The following ZSCAN31 variants were observed in gnomAD, a reference collection of about 807,000 sequenced individuals.
ZSCAN31 encodes zinc finger and SCAN domain containing 31.
Under a neutral mutation model 22.5 loss-of-function variants are expected in ZSCAN31, and 14 were observed. That is an observed-to-expected ratio of 0.62 (90% CI 0.41 to 0.97). ZSCAN31 has a LOEUF of 0.97. ZSCAN31 is among the 50% of genes least tolerant of loss of function. The pLI is 0.00. For missense variants in ZSCAN31, 424 were observed against 483.4 expected, an observed-to-expected ratio of 0.88 and a Z score of 1.15; for synonymous variants, 168 against 169.8, an observed-to-expected ratio of 0.99 and a Z score of 0.08.
rs530163374 is a variant in ZSCAN31, at chr6:28,352,141, G to A, written c.-371+1721C>T. On this transcript the variant is annotated intron_variant, in intron 2 of 7. Transcript: ENST00000396838. ...GGTAAAAATGCCATTTATTTGTTGA[G>A]GAACTTGAACCTTCTGTTTTATAAA... 1.4e-4 allele frequency among the ~76,000 whole-genome samples: 22 copies of A among 152,120 alleles called. No homozygotes were observed. In the East Asian group the frequency reaches 4.1e-3, roughly 28 times the overall value.
chr6:28,343,540 TTC>T (rs375523031), intron 2 of ZSCAN31, among the ~76,000 whole-genome samples: 26 of 138,214 alleles, frequency 1.9e-4, no homozygotes, highest in African/African-American at 6.1e-4. Context: ...TTTTTTTTCT[TTC>T]TTTTTTTTTT....
chr6:28,334,050 G>A (rs912281560), intron 1 of ZSCAN31, among the ~76,000 whole-genome samples: 2 of 152,150 alleles, frequency 1.3e-5, no homozygotes, highest in African/African-American at 2.4e-5. Flanking sequence ...TAGTTTAGAT[G>A]TTACTGTACA....
intron 2 of ZSCAN31, among the ~76,000 whole-genome samples, chr6:28,343,834 C>CACATATT (rs1195431761): frequency 6.6e-6 from 1 of 152,034 alleles, no homozygotes; most frequent in Non-Finnish European, 1.5e-5. Context: ...GGCCTATATG[C>CACATATT]AGTATATTTT....
In ZSCAN31 at chr6:28,325,775, T is replaced by C. The variant is rs1763218547; in HGVS notation, c.*391A>G. On this transcript the variant is annotated 3_prime_UTR_variant, in exon 4 of 4. Transcript: ENST00000344279. The stretch of plus-strand genomic sequence containing the variant: ...TTTTTTTAAAAGTATACATAGATAC[T>C]GGTCTTTTAGAATTGTTCAATATGC... The C allele has an allele frequency of 6.2e-6, 1 of 160,808 alleles. No homozygotes were observed. The highest frequency in any genetic ancestry group is 1.4e-5 in the Non-Finnish European group (1 of 73,050). 10.0% of individuals were successfully genotyped at this position (160,808 alleles called of 1,614,324 possible).
chr6:28,326,635 C>T lies in ZSCAN31; in HGVS notation c.752G>A (p.Ser251Asn). ...CNECGKSFTKSSVLIEHQRIH... is the reference protein window; with the variant it reads ...CNECGKSFTKNSVLIEHQRIH... ...TCTCTGGTGCTCAATGAGTACTGAACTCTTAGTGAAGCTTTTCCCACATTC... is the reference window on the plus strand; with the variant it reads ...TCTCTGGTGCTCAATGAGTACTGAATTCTTAGTGAAGCTTTTCCCACATTC... Residue 251 changes from serine (S) to asparagine (N), a missense_variant, in exon 4 of 4, where the codon AGT (serine) becomes AAT (asparagine). Coordinates refer to ENST00000344279, the MANE Select transcript of ZSCAN31 (RefSeq NM_030899.5). 1 of 1,614,130 alleles carries T rather than the reference C, an allele frequency of 6.2e-7. No homozygotes were observed. Among genetic ancestry groups the T allele is most frequent in the Non-Finnish European group, 8.5e-7 (1 of 1,180,026 alleles).
chr6:28,332,748 C>T (rs559736875), intron 1 of ZSCAN31, among the ~76,000 whole-genome samples: 53 of 152,306 alleles, frequency 3.5e-4, no homozygotes, highest in African/African-American at 1.3e-3. Flanking sequence ...AAATCCAGGA[C>T]AGACTGTGAC....
upstream of ZSCAN31, among the ~76,000 whole-genome samples, chr6:28,338,104 A>C (rs1308438364): frequency 6.6e-6 from 1 of 152,182 alleles, no homozygotes; most frequent in Non-Finnish European, 1.5e-5. Context: ...ATGGAGATTT[A>C]GAATGGAAAA....
intron 2 of ZSCAN31, among the ~76,000 whole-genome samples, chr6:28,346,232 T>C (rs765248398): frequency 3.8e-4 from 57 of 151,580 alleles, no homozygotes; most frequent in Non-Finnish European, 5.7e-4. Flanking sequence ...GGTTCCAATA[T>C]CAAGAGAAGG....
intron 2 of ZSCAN31, among the ~76,000 whole-genome samples, chr6:28,328,785 C>T (rs1198840937): frequency 1.3e-5 from 2 of 152,162 alleles, no homozygotes; most frequent in Non-Finnish European, 2.9e-5. Context: ...TGTTTAGAGA[C>T]TGCAGTAAAG....
Position 28,333,816 on chromosome 6 carries a change from T to C in ZSCAN31, c.-96+2266A>G, listed in dbSNP as rs918167643. Reference sequence around the variant, plus strand: ...GTAGGGCATAGGAGTTAGGATTTTATAAATGCAATGAGAAACCACTGAAGG... The same window carrying C: ...GTAGGGCATAGGAGTTAGGATTTTACAAATGCAATGAGAAACCACTGAAGG... On this transcript the variant is annotated intron_variant, in intron 1 of 3. Coordinates refer to ENST00000344279, the MANE Select transcript of ZSCAN31 (RefSeq NM_030899.5). This position sits in a 1 kb window ranked among gnomAD's most constrained non-coding sequence, Gnocchi z 4.1. Among the ~76,000 whole-genome samples the C allele has an allele frequency of 8.2e-4, 125 of 152,054 alleles. No homozygotes were observed. The highest frequency in any genetic ancestry group is 2.8e-3 in the African/African-American group (117 of 41,390).
Position 28,333,696 on chromosome 6 carries a change from C to T in ZSCAN31, c.-96+2386G>A, listed in dbSNP as rs1763931115. On this transcript the variant is annotated intron_variant, in intron 1 of 3. Coordinates refer to ENST00000344279, the MANE Select transcript of ZSCAN31 (RefSeq NM_030899.5). This position sits in a 1 kb window ranked among gnomAD's most constrained non-coding sequence, Gnocchi z 4.1. ...AAGGCCCTGAGGAAGTGCATGCTGC[C>T]ATCAAAGACAGGAAAGGAGGCTGGA... is the stretch of plus-strand genomic sequence containing the variant. 6.6e-6 allele frequency among the ~76,000 whole-genome samples: 1 copy of T among 152,060 alleles called. No individual in the cohort carries two copies. The highest frequency in any genetic ancestry group is 2.4e-5 in the African/African-American group (1 of 41,376).
chr6:28,337,355 C>A (rs1274018327), upstream of ZSCAN31, among the ~76,000 whole-genome samples: 2 of 152,096 alleles, frequency 1.3e-5, no homozygotes, highest in Admixed American at 1.3e-4. Context: ...GCAGTCTGAT[C>A]AAATTTACAT....
intron 2 of ZSCAN31, among the ~76,000 whole-genome samples, chr6:28,327,933 G>C (rs1763423494): frequency 1.3e-5 from 2 of 152,168 alleles, no homozygotes; most frequent in Admixed American, 1.3e-4. Flanking sequence ...GAAATAAAGG[G>C]ACAGAGTACA....
upstream of ZSCAN31, among the ~76,000 whole-genome samples, chr6:28,340,891 T>C (rs1297327853): frequency 1.3e-5 from 2 of 152,216 alleles, no homozygotes; most frequent in African/African-American, 4.8e-5. Context: ...TGTTTTTCTT[T>C]AGGGTTTGGT....
chr6:28,335,078 C>T (rs1378646568), intron 1 of ZSCAN31, among the ~76,000 whole-genome samples: 3 of 152,146 alleles, frequency 2.0e-5, no homozygotes, highest in African/African-American at 7.2e-5. Context: ...TCGGTTTCGC[C>T]GCAAAGCTCC....
chr6:28,328,629 A>G (rs1034136998), intron 2 of ZSCAN31, among the ~76,000 whole-genome samples: 1 of 152,178 alleles, frequency 6.6e-6, no homozygotes, highest in Non-Finnish European at 1.5e-5. Context: ...CAATTTGTAC[A>G]GTTAATGCAA....
chr6:28,344,697 G>A (rs1172365555), intron 2 of ZSCAN31, among the ~76,000 whole-genome samples: 1 of 152,194 alleles, frequency 6.6e-6, no homozygotes, highest in Non-Finnish European at 1.5e-5. Context: ...TAGTAGTCAA[G>A]GGAATTCCAC....
rs951825161 is a variant in ZSCAN31 at position 28,349,258 on chromosome 6, A to G, written c.-371+4604T>C. On this transcript the variant is annotated intron_variant, in intron 2 of 7. Transcript: ENST00000396838. This position sits in a 1 kb window ranked among gnomAD's most constrained non-coding sequence, Gnocchi z 4.1. Reference sequence around the variant, plus strand: ...ATATATATGTCTCATATATATAGGTATATATTTCAACTACTTATCCCTAAT... The same window carrying G: ...ATATATATGTCTCATATATATAGGTGTATATTTCAACTACTTATCCCTAAT... Among the ~76,000 whole-genome samples, 2 of 151,038 alleles carry G rather than the reference A, an allele frequency of 1.3e-5. No individual in the cohort carries two copies. The highest frequency in any genetic ancestry group is 1.9e-4 in the East Asian group (1 of 5,146).
chr6:28,345,350 A>G (rs1764604094), intron 2 of ZSCAN31, among the ~76,000 whole-genome samples: 1 of 152,136 alleles, frequency 6.6e-6, no homozygotes, highest in Non-Finnish European at 1.5e-5. Flanking sequence ...GCTGGTTTAT[A>G]TTAACCAGCC....
Sources: gnomAD v4.1 joint callset for allele counts (sites outside exome capture counted in the v4.1 genomes callset) on GRCh38, gnomAD v4.1.1 for gene constraint, Gnocchi (gnomAD v3.1) non-coding constraint, MANE v1.5 for transcripts, NCBI Gene and HGNC (gene_info 2026-07-23, HGNC 2026-07-21) for gene names.